The following RSPH14 variants were observed in gnomAD, a reference collection of about 807,000 sequenced individuals.
RSPH14 encodes the protein rhabdoid tumor deletion region gene 1.
A neutral mutation model predicts 26.7 loss-of-function variants in RSPH14; 20 were observed. The ratio of observed to expected loss-of-function variants is 0.75; its 90% CI spans 0.53 to 1.09. The LOEUF is 1.09. Among genes scored for constraint, RSPH14 ranks in the 50% least tolerant of loss-of-function variants. The pLI, the probability that RSPH14 is intolerant of heterozygous loss-of-function variation, is 0.00. For missense variants in RSPH14, 449 were observed against 457.2 expected (o/e 0.98, Z 0.16); for synonymous variants, 177 against 189.3 (o/e 0.93, Z 0.53).
chr22:23,123,049 T>C (rs375988647), intron 4 of RSPH14: 4 of 1,379,766 alleles, frequency 2.9e-6, no homozygotes, highest in African/African-American at 1.4e-5. Flanking sequence ...CTCTGCCTGC[T>C]GCGGGCCTGA....
chr22:23,082,919 A>T (rs1363579555), intron 4 of RSPH14, among the ~76,000 whole-genome samples: 1 of 152,120 alleles, frequency 6.6e-6, no homozygotes. Context: ...TTGCCCCCAG[A>T]AACTCCCATT....
At chr22:23,112,057 C>A (rs953568033) in intron 4 of RSPH14, among the ~76,000 whole-genome samples, 4 of 152,210 alleles carry the variant, frequency 2.6e-5, no homozygotes, top group Non-Finnish European at 5.9e-5. Flanking sequence ...CAGGAAAGGA[C>A]AGGCACTGCC....
intron 4 of RSPH14, among the ~76,000 whole-genome samples, chr22:23,092,250 G>A (rs1242006756): frequency 5.9e-5 from 9 of 152,212 alleles, no homozygotes; most frequent in African/African-American, 1.9e-4. Context: ...CCTTGTGTAA[G>A]AGCCAAGAAG....
the RSPH14 span, chr22:23,158,874 T>G: frequency 6.2e-7 from 1 of 1,606,858 alleles, no homozygotes. Flanking sequence ...GGTGAATCTC[T>G]CAGCCTCTCT....
intron 1 of RSPH14, among the ~76,000 whole-genome samples, chr22:23,141,553 C>T (rs1303210937): frequency 1.3e-5 from 2 of 152,162 alleles, no homozygotes; most frequent in Admixed American, 6.5e-5. Context: ...TTAACGAATA[C>T]ACGTAAGCCT....
upstream of RSPH14, chr22:23,146,512 T>G: frequency 1.3e-6 from 2 of 1,516,428 alleles, no homozygotes; most frequent in Non-Finnish European, 1.8e-6. Context: ...GCACCCAGCC[T>G]GGATCTGATG....
intron 4 of RSPH14, among the ~76,000 whole-genome samples, chr22:23,121,529 C>T (rs746251378): frequency 2.5e-4 from 38 of 152,186 alleles, no homozygotes; most frequent in Non-Finnish European, 4.4e-4. Context: ...GCCTCAGTTT[C>T]TTCATCTGTA....
chr22:23,180,271 T>G, the RSPH14 span: 4 of 189,902 alleles, frequency 2.1e-5, no homozygotes, highest in African/African-American at 9.4e-5. Context: ...GACCAGGGAG[T>G]CCGGTGTCTT....
intron 2 of RSPH14, among the ~76,000 whole-genome samples, chr22:23,139,236 G>C: frequency 6.6e-6 from 1 of 152,244 alleles, no homozygotes; most frequent in Non-Finnish European, 1.5e-5. Context: ...TTGACCTCAG[G>C]AGAGATATGG....
At chr22:23,144,554 T>C (rs1435169276), upstream of RSPH14, among the ~76,000 whole-genome samples, 1 of 152,094 alleles carries the variant, frequency 6.6e-6, no homozygotes, top group African/African-American at 2.4e-5. Context: ...TGAAACTCAC[T>C]AAAAGACATT....
chr22:23,166,587 CTT>C, the RSPH14 span, among the ~76,000 whole-genome samples: 1 of 152,142 alleles, frequency 6.6e-6, no homozygotes, highest in East Asian at 1.9e-4. Context: ...ATCCTGGTCT[CTT>C]TACAATTCCC....
chr22:23,152,559 C>A, the RSPH14 span: 2 of 1,597,118 alleles, frequency 1.3e-6, no homozygotes, highest in Non-Finnish European at 8.6e-7. Context: ...TTGGCCACCT[C>A]CCCCAGCACC....
At chr22:23,065,085 G>A (rs1360629693) in intron 4 of RSPH14, among the ~76,000 whole-genome samples, 1 of 152,182 alleles carries the variant, frequency 6.6e-6, no homozygotes, top group Non-Finnish European at 1.5e-5. Context: ...GCCACCAGAA[G>A]ACACCTCTTT....
Position 23,059,507 on chromosome 22 carries a change from C to T in RSPH14, c.1002G>A (p.Gln334=). ...CACTGATGGCGATCCGGGCTGCCCG[C>T]TGTAAGGCTTCGGCCACTTGAGGCT... ...YEKPQVAEAL[Q]RAARIAISVI... The change falls in exon 7 of 7, where the codon CAG becomes CAA. Residue 334 remains glutamine (Q), a synonymous_variant. Coordinates refer to ENST00000216036, the MANE Select transcript of RSPH14 (RefSeq NM_014433.3). The T allele has an allele frequency of 1.2e-6, 2 of 1,614,052 alleles. No homozygotes were observed. The highest frequency in any genetic ancestry group is 1.7e-4 in the Middle Eastern group (1 of 6,056).
rs1467000280 is a variant in RSPH14, at chr22:23,063,928, C to T, written c.627G>A (p.Lys209=). The T allele has an allele frequency of 1.9e-5, 30 of 1,614,192 alleles. No individual in the cohort carries two copies. The highest frequency in any genetic ancestry group is 2.7e-5 in the African/African-American group (2 of 75,044). The stretch of plus-strand genomic sequence containing the variant: ...TGACATTAAGGAGCGCACGGGCGGC[C>T]TTGCTGCGGATGTTCTGGTTGGCGC... ...LLSANQNIRS[K]AARALLNVSI... Residue 209 remains lysine (K), a synonymous_variant, in exon 5 of 7, where the codon AAG becomes AAA. Coordinates refer to ENST00000216036, the MANE Select transcript of RSPH14 (RefSeq NM_014433.3).
the RSPH14 span, among the ~76,000 whole-genome samples, chr22:23,158,586 G>A: frequency 6.6e-6 from 1 of 152,256 alleles, no homozygotes; most frequent in Admixed American, 6.5e-5. Context: ...CCGTGAGGGA[G>A]GCGGGGGTGA....
At chr22:23,064,303 C>T (rs766660282) in intron 4 of RSPH14, among the ~76,000 whole-genome samples, 170 bp from the exon 5 acceptor site, 5 of 152,218 alleles carry the variant, frequency 3.3e-5, no homozygotes, top group Non-Finnish European at 5.9e-5. Flanking sequence ...GGGGCCTGAG[C>T]GACCAGCAGG....
chr22:23,096,169 C>T (rs766508619), intron 4 of RSPH14: 14 of 1,612,988 alleles, frequency 8.7e-6, no homozygotes, highest in South Asian at 5.5e-5. Context: ...ACTACCTGAA[C>T]GACCTGGAGC....
At chr22:23,076,640 C>T (rs116456469) in intron 4 of RSPH14, among the ~76,000 whole-genome samples, 256 of 152,348 alleles carry the variant, frequency 1.7e-3, no homozygotes, top group African/African-American at 5.7e-3. Context: ...CGCCGGGCCA[C>T]TCAGTGATGC....
Sources: gnomAD v4.1 joint callset for allele counts (sites outside exome capture counted in the v4.1 genomes callset) on GRCh38, gnomAD v4.1.1 for gene constraint, MANE v1.5 for transcripts, NCBI Gene and HGNC (gene_info 2026-07-23, HGNC 2026-07-21) for gene names.